The following SLC23A2 variants were observed in gnomAD, a reference collection of about 807,000 sequenced individuals.
SLC23A2 encodes the protein Na(+)/L-ascorbic acid transporter 2.
SLC23A2 carries 36 observed loss-of-function variants against 73.3 expected under a neutral mutation model. The observed-to-expected ratio is 0.49, with a 90% confidence interval of 0.38 to 0.65. The LOEUF is 0.65. Ranked by LOEUF, SLC23A2 falls within the 30% of genes least tolerant of loss-of-function variation. The pLI, the probability that SLC23A2 is intolerant of heterozygous loss-of-function variation, is 0.00. For missense variants in SLC23A2, 507 were observed against 841.6 expected, an observed-to-expected ratio of 0.60 and a Z score of 4.92; for synonymous variants, 343 against 327.3, an observed-to-expected ratio of 1.05 and a Z score of -0.52.
At chr20:4,976,373 T>G (rs1208134317) in intron 1 of SLC23A2, among the ~76,000 whole-genome samples, 1 of 152,088 alleles carries the variant, frequency 6.6e-6, no homozygotes, top group African/African-American at 2.4e-5. Flanking sequence ...CTATTACTTT[T>G]GTGCTAGAAA....
At chr20:4,901,218 T>C (rs966466115) in intron 5 of SLC23A2, among the ~76,000 whole-genome samples, 2 of 152,022 alleles carry the variant, frequency 1.3e-5, no homozygotes, top group Non-Finnish European at 2.9e-5. Context: ...GGGGTTACCA[T>C]GGGCTGTGAT....
chr20:4,976,881 C>CAGG (rs1255013015), intron 1 of SLC23A2, among the ~76,000 whole-genome samples: 1 of 151,930 alleles, frequency 6.6e-6, no homozygotes, highest in Non-Finnish European at 1.5e-5. Flanking sequence ...GAGGCTGAGG[C>CAGG]AGGAGAATCA....
intron 4 of SLC23A2, among the ~76,000 whole-genome samples, chr20:4,909,849 C>T (rs546413822): frequency 5.9e-5 from 9 of 152,230 alleles, no homozygotes; most frequent in African/African-American, 2.2e-4. Flanking sequence ...GAGCCACCCA[C>T]CTGGACCAAG....
In SLC23A2 at chr20:4,861,976, A is replaced by C. The variant is rs1162245993; in HGVS notation, c.1596T>G (p.Ser532Arg). 1 of 1,614,086 alleles carries C rather than the reference A, an allele frequency of 6.2e-7. No individual in the cohort carries two copies. Among genetic ancestry groups the C allele is most frequent in the Non-Finnish European group, 8.5e-7 (1 of 1,180,040 alleles). Residue 532 changes from serine to arginine, a missense_variant, in exon 15 of 17, where the codon AGT becomes AGG. By Grantham distance (110) the Ser-to-Arg change is moderately radical. Coordinates refer to ENST00000338244, the MANE Select transcript of SLC23A2 (RefSeq NM_005116.6). ...TGACCAGAGGGTTCTGTCTGAGGTA[A>C]CTTGGAAGGACGAGCCCAAAGAAGA... The part of the protein sequence containing the change: ...FSIFFGLVLP[S>R]YLRQNPLVTG...
chr20:4,985,957 T>C (rs1274354215), intron 1 of SLC23A2, among the ~76,000 whole-genome samples: 1 of 152,104 alleles, frequency 6.6e-6, no homozygotes, highest in East Asian at 1.9e-4. Flanking sequence ...TTATGTAAAT[T>C]ATCTCAATGA....
At chr20:4,995,846 G>A (rs2088011105) in intron 1 of SLC23A2, among the ~76,000 whole-genome samples, 1 of 152,270 alleles carries the variant, frequency 6.6e-6, no homozygotes, top group South Asian at 2.1e-4. Flanking sequence ...ACTGATCAAC[G>A]TGAAAGAACA....
Position 4,912,803 on chromosome 20 carries a change from C to A in SLC23A2, c.207+77G>T, listed in dbSNP as rs2122895073. 2 of 919,348 alleles carry A rather than the reference C, an allele frequency of 2.2e-6. 1 individual carries two copies. Among genetic ancestry groups the A allele is most frequent in the Non-Finnish European group, 3.6e-6 (2 of 554,182 alleles). 56.9% of individuals were successfully genotyped at this position (919,348 alleles called of 1,614,324 possible). A position where few individuals can be genotyped will look rare whatever the true frequency, so the allele number is the denominator to read the frequency against. ...GGACATGCAAGTGTCTGAAAGGGAT[C>A]CGGATCCAGATCCGGGGCAGCACTT... On this transcript the variant is annotated intron_variant, in intron 4 of 16. Coordinates refer to ENST00000338244, the MANE Select transcript of SLC23A2 (RefSeq NM_005116.6).
rs1048795481 is a variant in SLC23A2 at position 4,992,574 on chromosome 20, G to A, written c.-282+8832C>T. 4.2e-5 allele frequency among the ~76,000 whole-genome samples: 6 copies of A among 144,420 alleles called. No homozygotes were observed. The Admixed American group carries it at 4.4e-4, about 11-fold the overall frequency. 94.7% of individuals were successfully genotyped at this position (144,420 alleles called of 152,430 possible). Reference sequence around the variant, plus strand: ...TGCCCAGGTTAGAGTGTAATGAGGCGATCTTGGCTCACTGCAACCTCCACC... The same window carrying A: ...TGCCCAGGTTAGAGTGTAATGAGGCAATCTTGGCTCACTGCAACCTCCACC... On this transcript the variant is annotated intron_variant, in intron 1 of 16. Transcript: ENST00000338244.
At chr20:4,963,196 T>C (rs2122191481) in intron 2 of SLC23A2, among the ~76,000 whole-genome samples, 1 of 152,282 alleles carries the variant, frequency 6.6e-6, no homozygotes, top group African/African-American at 2.4e-5. Flanking sequence ...TCTTTGCTAT[T>C]CTCCCAAAGC....
chr20:4,873,285 C>G (rs56848176), intron 11 of SLC23A2, among the ~76,000 whole-genome samples: 1 of 152,040 alleles, frequency 6.6e-6, no homozygotes, highest in African/African-American at 2.4e-5. Context: ...AAAACCCAGA[C>G]GCCGGGACTA....
Position 4,883,782 on chromosome 20 carries a change from G to A in SLC23A2, c.684C>T (p.Val228=). The A allele has an allele frequency of 1.2e-6, 2 of 1,613,640 alleles. No individual in the cohort carries two copies. The highest frequency in any genetic ancestry group is 1.7e-6 in the Non-Finnish European group (2 of 1,179,754). ...CCCCAGGCAGGCCGAGGAGGCCGAT[G>A]ACTACTTCTATCAGTGAGGACATGA... ...AIIMSSLIEV[V]IGLLGLPGAL... Residue 228 remains valine (V), a synonymous_variant, in exon 9 of 17, where the codon GTC becomes GTT. Coordinates refer to ENST00000338244, the MANE Select transcript of SLC23A2 (RefSeq NM_005116.6). The surrounding 1 kb of genome is among the most constrained non-coding windows in gnomAD (Gnocchi z 4.5).
At chr20:5,000,545 C>T (rs941471839) in intron 1 of SLC23A2, among the ~76,000 whole-genome samples, 3 of 152,120 alleles carry the variant, frequency 2.0e-5, no homozygotes, top group Non-Finnish European at 2.9e-5. Context: ...GAAGTAGCAC[C>T]TACTACAAAC....
At chr20:4,881,459 A>G (rs556482338) in intron 9 of SLC23A2, among the ~76,000 whole-genome samples, 3 of 151,992 alleles carry the variant, frequency 2.0e-5, no homozygotes, top group East Asian at 1.9e-4. Context: ...GAAAACCACT[A>G]TTTTCTTACT....
intron 11 of SLC23A2, among the ~76,000 whole-genome samples, chr20:4,871,448 G>A (rs370434592): frequency 9.9e-5 from 15 of 152,200 alleles, no homozygotes; most frequent in African/African-American, 3.4e-4. Context: ...TCTGGTGAAC[G>A]CAGAGCTCTC....
intron 2 of SLC23A2, among the ~76,000 whole-genome samples, chr20:4,961,074 A>T (rs1459405059): frequency 6.8e-6 from 1 of 147,154 alleles, no homozygotes; most frequent in East Asian, 2.0e-4. Flanking sequence ...CCTCATGCAC[A>T]TTCTGATTAC....
intron 1 of SLC23A2, among the ~76,000 whole-genome samples, chr20:4,994,773 G>T (rs1294382985): frequency 6.6e-6 from 1 of 151,544 alleles, no homozygotes; most frequent in Non-Finnish European, 1.5e-5. Context: ...AAAAAAATAT[G>T]AAAATACAAA....
At chr20:4,983,480 A>G (rs901604550) in intron 1 of SLC23A2, among the ~76,000 whole-genome samples, 40 of 136,150 alleles carry the variant, frequency 2.9e-4, no homozygotes, top group Admixed American at 2.6e-3. Flanking sequence ...CCCCGTCTCT[A>G]CTAAAAATAC....
rs189959397 is a variant in SLC23A2, at chr20:4,916,025, G to A, written c.109-3047C>T. ...ATTAATTAGTACATACTCCTACAGA[G>A]CAGAATTCTCTTACATTACTTCAAA... On this transcript the variant is annotated intron_variant, in intron 3 of 16. Coordinates refer to ENST00000338244, the MANE Select transcript of SLC23A2 (RefSeq NM_005116.6). 4.7e-3 allele frequency among the ~76,000 whole-genome samples: 715 copies of A among 152,236 alleles called. 4 individuals are homozygous for A. Among genetic ancestry groups the A allele is most frequent in the Non-Finnish European group, 8.3e-3 (565 of 68,004 alleles).
chr20:4,953,131 C>A (rs1210818525), intron 2 of SLC23A2, among the ~76,000 whole-genome samples: 1 of 151,954 alleles, frequency 6.6e-6, no homozygotes, highest in Non-Finnish European at 1.5e-5. Context: ...CATGGTGAAA[C>A]CCCGTCTCTA....
Sources: allele counts gnomAD v4.1 joint callset (sites outside exome capture counted in the v4.1 genomes callset), GRCh38; gene constraint gnomAD v4.1.1; non-coding constraint Gnocchi (gnomAD v3.1); transcripts MANE v1.5; gene names NCBI Gene and HGNC (gene_info 2026-07-23, HGNC 2026-07-21).